ABCG2: variants seen among roughly 807,000 people sequenced by gnomAD.
ABCG2 encodes the protein ATP binding cassette subfamily G member 2 (JR blood group).
ABCG2 carries 80 observed loss-of-function variants against 73.5 expected under a neutral mutation model. The ratio of observed to expected loss-of-function variants is 1.09; its 90% CI spans 0.91 to 1.31. The LOEUF is 1.31. Ranked by LOEUF, ABCG2 falls within the 50% of genes most tolerant of loss-of-function variation. ABCG2 has a pLI of 0.00. For missense variants in ABCG2, 796 were observed against 786.2 expected (o/e 1.01, Z -0.15); for synonymous variants, 269 against 282.4 (o/e 0.95, Z 0.48).
chr4:88,151,642 G>C (rs1030603031), intron 1 of ABCG2, among the ~76,000 whole-genome samples: 16 of 152,088 alleles, frequency 1.1e-4, no homozygotes, highest in African/African-American at 3.4e-4. Context: ...GGGAGGCTGA[G>C]GCAGGAGAAT....
chr4:88,114,023 C>T (rs1723346215), intron 8 of ABCG2, among the ~76,000 whole-genome samples: 1 of 151,878 alleles, frequency 6.6e-6, no homozygotes, highest in South Asian at 2.1e-4. Context: ...GTATAACAGG[C>T]CAGGCACAGT....
Position 88,133,864 on chromosome 4 carries a change from G to A in ABCG2, c.204-1229C>T, listed in dbSNP as rs72554043. 0.013 allele frequency among the ~76,000 whole-genome samples: 1,928 copies of A among 152,184 alleles called. 63 individuals carry two copies. In the South Asian group the frequency reaches 0.13, roughly 10 times the overall value. ...AATACAAAAATTAGCCAGACACGGT[G>A]GTGGGTGCCTGCAATCCCAGCTACT... On this transcript the variant is annotated intron_variant, in intron 2 of 15. Transcript: ENST00000237612.
intron 1 of ABCG2, among the ~76,000 whole-genome samples, chr4:88,140,767 T>C (rs1725583198): frequency 6.6e-6 from 1 of 152,182 alleles, no homozygotes; most frequent in African/African-American, 2.4e-5. Context: ...TCGGAAGTTG[T>C]TATGCACCTT....
intron 1 of ABCG2, among the ~76,000 whole-genome samples, chr4:88,190,209 G>C (rs1011791212): frequency 1.3e-5 from 2 of 152,036 alleles, no homozygotes; most frequent in African/African-American, 2.4e-5. Context: ...TGTTTTTATA[G>C]AGTTCAGAGT....
At chr4:88,105,278 T>C (rs1722697601) in intron 10 of ABCG2, among the ~76,000 whole-genome samples, 2 of 152,192 alleles carry the variant, frequency 1.3e-5, no homozygotes, top group African/African-American at 4.8e-5. Context: ...GACATCAAAA[T>C]AGGCTGCACA....
At chr4:88,159,312 C>A, upstream of ABCG2, 1 of 430,662 alleles carries the variant, frequency 2.3e-6, no homozygotes, top group Non-Finnish European at 4.7e-6. Flanking sequence ...GCACCCAGAG[C>A]AAGTTAAATG....
At chr4:88,184,188 T>C (rs1318305557) in intron 1 of ABCG2, among the ~76,000 whole-genome samples, 1 of 152,128 alleles carries the variant, frequency 6.6e-6, no homozygotes, top group Non-Finnish European at 1.5e-5. Flanking sequence ...TTATTCAACA[T>C]AGTACTGGAA....
chr4:88,180,970 A>G (rs1728210007), intron 1 of ABCG2, among the ~76,000 whole-genome samples: 1 of 152,198 alleles, frequency 6.6e-6, no homozygotes, highest in Non-Finnish European at 1.5e-5. Flanking sequence ...TTCAAGACAT[A>G]AAAAGTGCAA....
chr4:88,106,909 G>A (rs1722804470), intron 10 of ABCG2, among the ~76,000 whole-genome samples: 1 of 152,164 alleles, frequency 6.6e-6, no homozygotes, highest in Non-Finnish European at 1.5e-5. Flanking sequence ...GGGCGTGGTG[G>A]TGGATGTCTG....
intron 1 of ABCG2, among the ~76,000 whole-genome samples, chr4:88,154,725 G>A (rs184875660): frequency 6.6e-5 from 10 of 152,272 alleles, no homozygotes; most frequent in Middle Eastern, 6.8e-3. Context: ...TCTGGGCCAG[G>A]AACAATGGTA....
chr4:88,220,400 G>T (rs1346207970), intron 1 of ABCG2, among the ~76,000 whole-genome samples: 2 of 152,192 alleles, frequency 1.3e-5, no homozygotes, highest in East Asian at 3.8e-4. Flanking sequence ...GTTCTCCACA[G>T]TAGCTACACC....
intron 1 of ABCG2, among the ~76,000 whole-genome samples, chr4:88,148,884 C>A (rs1726244971): frequency 6.6e-6 from 1 of 152,180 alleles, no homozygotes; most frequent in Non-Finnish European, 1.5e-5. Context: ...CTCTCCTTAC[C>A]AGAGCCCCTG....
intron 8 of ABCG2, 123 bp downstream of exon 8, chr4:88,114,834 G>C (rs1391027061): frequency 3.4e-6 from 2 of 582,062 alleles, no homozygotes; most frequent in Non-Finnish European, 6.1e-6. Flanking sequence ...TATTTGTGTT[G>C]ACTGGTATCA....
chr4:88,097,506 T>A lies in ABCG2; in HGVS notation c.1594A>T (p.Ser532Cys), dbSNP rs777763707. The A allele has an allele frequency of 6.2e-7, 1 of 1,614,164 alleles. No homozygotes were observed. The highest frequency in any genetic ancestry group is 8.5e-7 in the Non-Finnish European group (1 of 1,180,012). Reference protein sequence around the residue: ...SMALAIAAGQSVVSVATLLMT... With the variant: ...SMALAIAAGQCVVSVATLLMT... The stretch of plus-strand genomic sequence containing the variant: ...AGAAGTGTTGCTACAGAAACCACAC[T>A]CTGACCTGCTGCTATGGCCAGTGCC... Residue 532 changes from serine (S) to cysteine (C), a missense_variant, in exon 13 of 16, where the codon AGT (serine) becomes TGT (cysteine). Transcript: ENST00000237612.
At position 88,118,621 on chromosome 4, in the gene ABCG2, G is replaced by T. The variant is rs142927130; in HGVS notation, c.690-361C>A. On this transcript the variant is annotated intron_variant, in intron 6 of 15. Coordinates refer to ENST00000237612, the MANE Select transcript of ABCG2 (RefSeq NM_004827.3). ...AATCTGCAAGTATTTACAAGTTTGAGAACTAACTATGGACTGCATATTAAA... is the reference window on the plus strand; with the variant it reads ...AATCTGCAAGTATTTACAAGTTTGATAACTAACTATGGACTGCATATTAAA... 3.3e-3 allele frequency among the ~76,000 whole-genome samples: 503 copies of T among 152,256 alleles called. 14 individuals carry two copies. Among genetic ancestry groups the T allele is most frequent in the Admixed American group, 0.03 (461 of 15,290 alleles).
At position 88,090,797 on chromosome 4, in the gene ABCG2, A is replaced by T. The variant is rs1028362209; in HGVS notation, c.*1437T>A. The T allele has an allele frequency of 2.0e-5, 3 of 152,392 alleles. No homozygotes were observed. The highest frequency in any genetic ancestry group is 7.2e-5 in the African/African-American group (3 of 41,606). The allele number at this position is 152,392 out of a possible 1,614,324, so 9.4% of individuals were successfully genotyped here. A position where few individuals can be genotyped will look rare whatever the true frequency, so the allele number is the denominator to read the frequency against. On this transcript the variant is annotated 3_prime_UTR_variant, in exon 16 of 16. Transcript: ENST00000237612. ...TTAGTGGAAAAGTGGTGAAATCTGAATATTGTGTGCAGTTTAATTAACAGT... is the reference window on the plus strand; with the variant it reads ...TTAGTGGAAAAGTGGTGAAATCTGATTATTGTGTGCAGTTTAATTAACAGT...
intron 7 of ABCG2, among the ~76,000 whole-genome samples, chr4:88,116,382 A>T (rs941616413): frequency 6.6e-6 from 1 of 152,154 alleles, no homozygotes; most frequent in African/African-American, 2.4e-5. Context: ...TCTGACTCTT[A>T]GTTCATCCCC....
chr4:88,209,874 A>G (rs1453821741), intron 1 of ABCG2, among the ~76,000 whole-genome samples: 4 of 152,196 alleles, frequency 2.6e-5, no homozygotes, highest in Non-Finnish European at 5.9e-5. Context: ...TTTGCCAAAG[A>G]TAACCTAAAG....
At chr4:88,151,890 T>G (rs1405054342) in intron 1 of ABCG2, among the ~76,000 whole-genome samples, 3 of 152,138 alleles carry the variant, frequency 2.0e-5, no homozygotes, top group African/African-American at 7.2e-5. Context: ...TCCAAAATCA[T>G]AGAAGGGCTC....
Sources: allele counts gnomAD v4.1 joint callset (sites outside exome capture counted in the v4.1 genomes callset), GRCh38; gene constraint gnomAD v4.1.1; transcripts MANE v1.5; gene names NCBI Gene and HGNC (gene_info 2026-07-23, HGNC 2026-07-21).